The following RAB2A variants were observed in gnomAD, a reference collection of about 807,000 sequenced individuals.
RAB2A encodes the protein ras-related protein Rab-2A.
In RAB2A, 7 loss-of-function variants were observed where a neutral mutation model predicts 32.5. The ratio of observed to expected loss-of-function variants is 0.22; its 90% CI spans 0.12 to 0.40. The LOEUF is 0.40. RAB2A is among the 10% of genes least tolerant of loss of function. The pLI is 1.00. For missense variants in RAB2A, 108 were observed against 260.7 expected, an observed-to-expected ratio of 0.41 and a Z score of 4.03; for synonymous variants, 79 against 85.2, an observed-to-expected ratio of 0.93 and a Z score of 0.40.
At chr8:60,601,324 A>G (rs1416186082) in intron 6 of RAB2A, among the ~76,000 whole-genome samples, 1 of 152,158 alleles carries the variant, frequency 6.6e-6, no homozygotes, top group East Asian at 1.9e-4. Context: ...GATTTTTATT[A>G]TGCATAGACT....
At chr8:60,567,119 CTTTT>C (rs759099870) in intron 2 of RAB2A, among the ~76,000 whole-genome samples, 1 of 139,308 alleles carries the variant, frequency 7.2e-6, no homozygotes. Flanking sequence ...TTCTTTTTTT[CTTTT>C]TTTTTTTTTT....
intron 1 of RAB2A, among the ~76,000 whole-genome samples, chr8:60,556,597 T>C (rs1807942232): frequency 6.6e-6 from 1 of 150,594 alleles, no homozygotes; most frequent in Admixed American, 6.6e-5. Context: ...CTCAAGAGTT[T>C]TTGGCCAGCC....
At chr8:60,609,960 C>CAAAA (rs5891772) in intron 6 of RAB2A, among the ~76,000 whole-genome samples, 1 of 80,608 alleles carries the variant, frequency 1.2e-5, no homozygotes, top group Non-Finnish European at 2.5e-5. Flanking sequence ...CCCTGTGTCT[C>CAAAA]AAAAAAAAAA....
At chr8:60,615,484 A>T (rs1370390639) in intron 6 of RAB2A, among the ~76,000 whole-genome samples, 2 of 152,220 alleles carry the variant, frequency 1.3e-5, no homozygotes, top group African/African-American at 4.8e-5. Context: ...AGAAACATCT[A>T]TACCTTAAAA....
At chr8:60,558,691 A>G (rs1361288563) in intron 1 of RAB2A, 161 bp from the exon 2 acceptor site, 2 of 670,354 alleles carry the variant, frequency 3.0e-6, no homozygotes, top group East Asian at 2.8e-5. Flanking sequence ...CACCTAAATC[A>G]TCAGTCCTCT....
rs144979472 is a variant in RAB2A, at chr8:60,545,048, G to A, written c.47-13804G>A. 1.2e-4 allele frequency among the ~76,000 whole-genome samples: 19 copies of A among 152,082 alleles called. 1 individual carries two copies. In the East Asian group the frequency reaches 2.9e-3, roughly 23 times the overall value. On this transcript the variant is annotated intron_variant, in intron 1 of 7. Transcript: ENST00000262646. ...GCGTGAGCCACCATGCCTGACTTGC[G>A]TTTTCACATATTTTAAATTAAAGCT... is the stretch of plus-strand genomic sequence containing the variant.
chr8:60,582,462 C>T (rs954601498), intron 3 of RAB2A, among the ~76,000 whole-genome samples: 2 of 152,176 alleles, frequency 1.3e-5, no homozygotes, highest in East Asian at 1.9e-4. Flanking sequence ...GGATGGAGTA[C>T]TGATTATTTT....
At chr8:60,596,978 CA>C (rs949086149) in intron 6 of RAB2A, among the ~76,000 whole-genome samples, 2 of 152,086 alleles carry the variant, frequency 1.3e-5, no homozygotes, top group African/African-American at 4.8e-5. Flanking sequence ...GAAATAGGAA[CA>C]CTTTTACATT....
intron 6 of RAB2A, among the ~76,000 whole-genome samples, chr8:60,603,561 AAC>A (rs962296964): frequency 6.6e-6 from 1 of 152,256 alleles, no homozygotes; most frequent in Non-Finnish European, 1.5e-5. Context: ...ATCTCCTCAT[AAC>A]ACAGAATTAT....
At chr8:60,539,737 G>A (rs1807611036) in intron 1 of RAB2A, among the ~76,000 whole-genome samples, 1 of 152,154 alleles carries the variant, frequency 6.6e-6, no homozygotes, top group Admixed American at 6.5e-5. Context: ...GTAAGAGGGG[G>A]AATGCGTTTT....
At chr8:60,614,034 G>A (rs1263669468) in intron 6 of RAB2A, among the ~76,000 whole-genome samples, 1 of 152,072 alleles carries the variant, frequency 6.6e-6, no homozygotes, top group Non-Finnish European at 1.5e-5. Flanking sequence ...CCACCAGGTG[G>A]CAGCATGTTA....
At chr8:60,573,943 C>G (rs747025426) in intron 3 of RAB2A, among the ~76,000 whole-genome samples, 1 of 152,194 alleles carries the variant, frequency 6.6e-6, no homozygotes, top group Non-Finnish European at 1.5e-5. Flanking sequence ...CCACCACACC[C>G]GGCTGAGTTA....
intron 6 of RAB2A, among the ~76,000 whole-genome samples, chr8:60,596,356 C>T (rs1334961458): frequency 6.6e-6 from 1 of 152,168 alleles, no homozygotes; most frequent in Non-Finnish European, 1.5e-5. Context: ...TCAGAGTGAA[C>T]AGGCAACCTA....
chr8:60,546,631 A>G (rs1807731614), intron 1 of RAB2A, among the ~76,000 whole-genome samples: 2 of 152,162 alleles, frequency 1.3e-5, no homozygotes, highest in Admixed American at 6.5e-5. Context: ...AATACTGTTA[A>G]GTTTTTACAT....
At chr8:60,526,797 C>T (rs1478563099) in intron 1 of RAB2A, among the ~76,000 whole-genome samples, 1 of 151,916 alleles carries the variant, frequency 6.6e-6, no homozygotes, top group African/African-American at 2.4e-5. Flanking sequence ...GGTGAAACCC[C>T]ATCTCTACTA....
chr8:60,549,355 G>A (rs1423938254), intron 1 of RAB2A, among the ~76,000 whole-genome samples: 1 of 152,240 alleles, frequency 6.6e-6, no homozygotes, highest in Admixed American at 6.5e-5. Context: ...GCACCATTGA[G>A]CACTGAGTGA....
intron 1 of RAB2A, among the ~76,000 whole-genome samples, chr8:60,528,877 C>G (rs1483330410): frequency 6.6e-6 from 1 of 152,008 alleles, no homozygotes. Flanking sequence ...TGCTTGGCTC[C>G]TGGTAATGAT....
At chr8:60,550,265 A>G (rs553521296) in intron 1 of RAB2A, among the ~76,000 whole-genome samples, 1 of 142,846 alleles carries the variant, frequency 7.0e-6, no homozygotes, top group Non-Finnish European at 1.5e-5. Flanking sequence ...TCACACTGTC[A>G]ACACATTCTC....
At chr8:60,531,462 G>A (rs1381284124) in intron 1 of RAB2A, among the ~76,000 whole-genome samples, 1 of 152,208 alleles carries the variant, frequency 6.6e-6, no homozygotes, top group Admixed American at 6.5e-5. Flanking sequence ...TGAGCTTAAA[G>A]TAAATAATAT....
Sources: allele counts gnomAD v4.1 joint callset (sites outside exome capture counted in the v4.1 genomes callset), GRCh38; gene constraint gnomAD v4.1.1; transcripts MANE v1.5; gene names NCBI Gene and HGNC (gene_info 2026-07-23, HGNC 2026-07-21).